The following GNAL variants were observed in gnomAD, a reference collection of about 807,000 sequenced individuals.
GNAL encodes the protein guanine nucleotide-binding protein G(olf) subunit alpha.
A neutral mutation model predicts 55.1 loss-of-function variants in GNAL; 18 were observed. The observed-to-expected ratio is 0.33, with a 90% CI of 0.23 to 0.48. The LOEUF (loss-of-function observed/expected upper bound fraction) is 0.48, where lower values mean the gene tolerates loss of function less well. Ranked by LOEUF, GNAL falls within the 20% of genes least tolerant of loss-of-function variation. The probability of loss-of-function intolerance (pLI) is 0.99; values close to 1 mark genes in which losing one functional copy is unlikely to be tolerated. For synonymous variants in GNAL, 253 were observed against 237.0 expected (o/e 1.07, Z -0.62); for missense variants, 412 against 614.1 (o/e 0.67, Z 3.48).
chr18:11,726,917 T>C (rs1210501325), intron 1 of GNAL, among the ~76,000 whole-genome samples: 1 of 151,942 alleles, frequency 6.6e-6, no homozygotes, highest in Non-Finnish European at 1.5e-5. Flanking sequence ...ATGGGACAGG[T>C]TGTAAGGAAA....
At chr18:11,758,069 G>T (rs1260269352) in intron 4 of GNAL, among the ~76,000 whole-genome samples, 3 of 152,194 alleles carry the variant, frequency 2.0e-5, no homozygotes, top group Admixed American at 6.5e-5. Flanking sequence ...AATGAAAAGG[G>T]CTGGAATCAC....
chr18:11,701,938 A>G (rs1215423446), intron 1 of GNAL: 2 of 152,208 alleles, frequency 1.3e-5, no homozygotes, highest in Non-Finnish European at 2.9e-5. Flanking sequence ...GCATAAAGAA[A>G]AAAAAAATGA....
intron 9 of GNAL, among the ~76,000 whole-genome samples, chr18:11,871,409 C>T (rs879327812): frequency 5.3e-5 from 8 of 152,064 alleles, no homozygotes; most frequent in Non-Finnish European, 1.2e-4. Flanking sequence ...TGCCACCACG[C>T]CCAGCTACTT....
chr18:11,775,719 C>G (rs116408239), intron 4 of GNAL, among the ~76,000 whole-genome samples: 39 of 152,268 alleles, frequency 2.6e-4, no homozygotes, highest in African/African-American at 8.4e-4. Context: ...CAGGGGTTCC[C>G]GGTGTCTACA....
At chr18:11,702,755 T>C (rs1054777342) in intron 1 of GNAL, among the ~76,000 whole-genome samples, 7 of 151,238 alleles carry the variant, frequency 4.6e-5, no homozygotes, top group African/African-American at 1.5e-4. Context: ...GAGCAGCTCT[T>C]GCCCCAGTGA....
In GNAL at chr18:11,885,007, C is replaced by T. The variant is rs1170415379; in HGVS notation, c.*3872C>T. 3 of 1,299,692 alleles carry T rather than the reference C, an allele frequency of 2.3e-6. No individual in the cohort carries two copies. Among genetic ancestry groups the T allele is most frequent in the Non-Finnish European group, 3.0e-6 (3 of 996,062 alleles). 80.5% of individuals were successfully genotyped at this position (1,299,692 alleles called of 1,614,324 possible). A position where few individuals can be genotyped will look rare whatever the true frequency, so the allele number is the denominator to read the frequency against. On this transcript the variant is annotated 3_prime_UTR_variant, in exon 12 of 12. Transcript: ENST00000334049. ...GCGAGGAACAAGGAGGGAAAGGTGT[C>T]TTCCTGCCCCTTGATGCTCAACTAA...
chr18:11,701,019 G>A (rs186274847), intron 1 of GNAL, among the ~76,000 whole-genome samples: 10 of 152,334 alleles, frequency 6.6e-5, no homozygotes, highest in Non-Finnish European at 1.0e-4. Flanking sequence ...TCTGGGTGAT[G>A]TGGAGATTCC....
At chr18:11,730,568 A>G (rs990042466) in intron 1 of GNAL, among the ~76,000 whole-genome samples, 3 of 151,950 alleles carry the variant, frequency 2.0e-5, no homozygotes, top group African/African-American at 7.2e-5. Flanking sequence ...GTTCGAGACC[A>G]GCCTGGCCAA....
chr18:11,805,551 A>G (rs2034637091), intron 4 of GNAL, among the ~76,000 whole-genome samples: 1 of 151,974 alleles, frequency 6.6e-6, no homozygotes, highest in African/African-American at 2.4e-5. Context: ...ATCATTCTAC[A>G]GTCTATGTCC....
chr18:11,701,433 A>G (rs1425622661), intron 1 of GNAL, among the ~76,000 whole-genome samples: 1 of 151,960 alleles, frequency 6.6e-6, no homozygotes, highest in African/African-American at 2.4e-5. Context: ...TCTACTAAAA[A>G]TACAAAAATT....
chr18:11,783,504 G>A (rs926721075), intron 4 of GNAL, among the ~76,000 whole-genome samples: 2 of 152,150 alleles, frequency 1.3e-5, no homozygotes, highest in African/African-American at 2.4e-5. Context: ...TAATCTCACC[G>A]TGATGGCATC....
chr18:11,689,534 C>CG lies in GNAL; in HGVS notation c.-29dup. 2.6e-6 allele frequency: 3 copies of CG among 1,132,142 alleles called. No homozygotes were observed. Among genetic ancestry groups the CG allele is most frequent in the Non-Finnish European group, 3.4e-6 (3 of 893,744 alleles). The allele number at this position is 1,132,142 out of a possible 1,614,324, so 70.1% of individuals were successfully genotyped here. ...CTCGGCGCCCAGCCTGCCCTAGTCC[C>CG]GCGCGCCGCCCCCGCTGTGCCGCGC... On this transcript the variant is annotated 5_prime_UTR_variant, in exon 1 of 12. Coordinates refer to ENST00000334049, the MANE Select transcript of GNAL (RefSeq NM_182978.4).
chr18:11,741,215 T>C (rs2032568449), intron 1 of GNAL, among the ~76,000 whole-genome samples: 2 of 152,336 alleles, frequency 1.3e-5, no homozygotes, highest in Non-Finnish European at 2.9e-5. Context: ...TTTTAAAATC[T>C]GTAAGAGGCC....
At chr18:11,805,163 ACAT>A (rs2034624501) in intron 4 of GNAL, among the ~76,000 whole-genome samples, 1 of 112,562 alleles carries the variant, frequency 8.9e-6, no homozygotes, top group Non-Finnish European at 1.9e-5. Flanking sequence ...TTTGAGTGGA[ACAT>A]GGAGATACTG....
chr18:11,830,282 C>CTCTTT (rs2035349219), intron 5 of GNAL, among the ~76,000 whole-genome samples: 1 of 99,218 alleles, frequency 1.0e-5, no homozygotes, highest in African/African-American at 4.0e-5. Flanking sequence ...AGAATTGCAT[C>CTCTTT]TTTTTTTTTT....
intron 4 of GNAL, among the ~76,000 whole-genome samples, chr18:11,795,500 T>A (rs189819927): frequency 1.3e-5 from 2 of 152,316 alleles, no homozygotes; most frequent in East Asian, 3.9e-4. Flanking sequence ...TGAAATAATT[T>A]ATAAATATTG....
chr18:11,816,159 T>TAAA (rs569447882), intron 4 of GNAL, among the ~76,000 whole-genome samples: 183 of 152,330 alleles, frequency 1.2e-3, no homozygotes, highest in African/African-American at 4.2e-3. Flanking sequence ...CTAAGACTTT[T>TAAA]ACACAAATAG....
intron 4 of GNAL, among the ~76,000 whole-genome samples, chr18:11,816,893 G>C (rs897367678): frequency 6.6e-6 from 1 of 151,046 alleles, no homozygotes; most frequent in East Asian, 1.9e-4. Context: ...CTAAGTGAAA[G>C]AAGCCAGTCA....
At chr18:11,830,156 T>G (rs534574803) in intron 5 of GNAL, among the ~76,000 whole-genome samples, 26 of 152,272 alleles carry the variant, frequency 1.7e-4, no homozygotes, top group Admixed American at 1.2e-3. Flanking sequence ...CCTTTCCCCA[T>G]GCTGATTCCC....
Sources: allele counts gnomAD v4.1 joint callset (sites outside exome capture counted in the v4.1 genomes callset), GRCh38; gene constraint gnomAD v4.1.1; transcripts MANE v1.5; gene names NCBI Gene and HGNC (gene_info 2026-07-23, HGNC 2026-07-21).